Variants in SV2C observed in about 807,000 individuals in gnomAD.
SV2C encodes synaptic vesicle glycoprotein 2C.
A neutral mutation model predicts 79.7 loss-of-function variants in SV2C; 49 were observed. That is an observed-to-expected ratio of 0.61 (90% CI 0.49 to 0.78). The LOEUF (loss-of-function observed/expected upper bound fraction) is 0.78, where lower values mean the gene tolerates loss of function less well. SV2C is among the 30% of genes least tolerant of loss of function. SV2C has a pLI of 0.00. For synonymous variants in SV2C, 334 were observed against 333.2 expected (o/e 1.00, Z -0.03); for missense variants, 833 against 912.9 (o/e 0.91, Z 1.13).
chr5:76,065,269 C>CTGTG, the SV2C span, among the ~76,000 whole-genome samples: 1 of 152,138 alleles, frequency 6.6e-6, no homozygotes, highest in Non-Finnish European at 1.5e-5. Context: ...CAACAGCAAC[C>CTGTG]TGTGACTGAA....
the SV2C span, chr5:75,911,226 C>T: frequency 6.4e-7 from 1 of 1,567,892 alleles, no homozygotes; most frequent in Non-Finnish European, 8.8e-7. Context: ...CCTCTCCTAC[C>T]ATTGGGAGTG....
the SV2C span, among the ~76,000 whole-genome samples, chr5:75,875,903 A>G: frequency 6.6e-6 from 1 of 152,190 alleles, no homozygotes. Flanking sequence ...CAGAATAACT[A>G]TTGTTAAAAA....
At chr5:76,253,955 G>T (rs1054140769) in intron 4 of SV2C, among the ~76,000 whole-genome samples, 1 of 151,954 alleles carries the variant, frequency 6.6e-6, no homozygotes, top group Non-Finnish European at 1.5e-5. Context: ...AACTTGAACT[G>T]CTTCCCTCAT....
At chr5:75,920,999 G>GA in the SV2C span, 2 of 706,398 alleles carry the variant, frequency 2.8e-6, no homozygotes, top group Non-Finnish European at 5.1e-6. Context: ...CTCCCCGTGC[G>GA]AGTCCTCGCG....
At position 76,302,332 on chromosome 5, in the gene SV2C, A is replaced by G. The variant is rs1291920930; in HGVS notation, c.2000+787A>G. Among the ~76,000 whole-genome samples, 4 of 152,130 alleles carry G rather than the reference A, an allele frequency of 2.6e-5. No individual in the cohort carries two copies. The East Asian group carries it at 7.7e-4, about 29-fold the overall frequency. ...AAAGCCAAACACATTTCTAGTTATA[A>G]AAAACAATTGTGCTGGGCCTAGTGG... On this transcript the variant is annotated intron_variant, in intron 12 of 12. Transcript: ENST00000502798.
chr5:76,163,683 C>T (rs772036932), intron 2 of SV2C, among the ~76,000 whole-genome samples: 1 of 152,206 alleles, frequency 6.6e-6, no homozygotes, highest in Non-Finnish European at 1.5e-5. Context: ...CTTTTTCTCA[C>T]ACAGATTAAA....
chr5:76,164,917 T>C lies in SV2C; in HGVS notation c.581-30002T>C, dbSNP rs141564419. On this transcript the variant is annotated intron_variant, in intron 2 of 12. Coordinates refer to ENST00000502798, the MANE Select transcript of SV2C (RefSeq NM_014979.4). Reference sequence around the variant, plus strand: ...ATCCTCCTGTATACTTTAAATCATCTCTAGATTACCTATAATATCTAATAA... The same window carrying C: ...ATCCTCCTGTATACTTTAAATCATCCCTAGATTACCTATAATATCTAATAA... Among the ~76,000 whole-genome samples, 8 of 152,242 alleles carry C rather than the reference T, an allele frequency of 5.3e-5. No individual in the cohort carries two copies. In the South Asian group the frequency reaches 8.3e-4, roughly 16 times the overall value.
At chr5:75,990,017 T>C in the SV2C span, among the ~76,000 whole-genome samples, 1 of 151,660 alleles carries the variant, frequency 6.6e-6, no homozygotes, top group Non-Finnish European at 1.5e-5. Flanking sequence ...AAATTCCTTG[T>C]AGATGCTGAA....
chr5:76,053,716 T>A, the SV2C span, among the ~76,000 whole-genome samples: 1 of 152,140 alleles, frequency 6.6e-6, no homozygotes, highest in Admixed American at 6.6e-5. Context: ...AGTTCTCTGT[T>A]AATGTTGAGA....
At chr5:75,983,439 A>G in the SV2C span, among the ~76,000 whole-genome samples, 1 of 152,074 alleles carries the variant, frequency 6.6e-6, no homozygotes, top group Non-Finnish European at 1.5e-5. Context: ...TCTGGAGCTG[A>G]TAGTGGCATT....
the SV2C span, among the ~76,000 whole-genome samples, chr5:76,007,466 G>C: frequency 0.2 from 30,882 of 151,922 alleles, 4,018 homozygotes; most frequent in Middle Eastern, 0.39. Flanking sequence ...ATAGGTAAAA[G>C]TTTCTTAGTT....
At chr5:76,306,616 A>G (rs1165081070) in intron 12 of SV2C, among the ~76,000 whole-genome samples, 2 of 152,194 alleles carry the variant, frequency 1.3e-5, no homozygotes, top group Non-Finnish European at 2.9e-5. Context: ...CATCAGGGAG[A>G]AGGTTAAAAG....
the SV2C span, among the ~76,000 whole-genome samples, chr5:75,894,436 T>C: frequency 6.6e-6 from 1 of 152,078 alleles, no homozygotes; most frequent in Non-Finnish European, 1.5e-5. Context: ...TGTGGTAGTA[T>C]TGAAAAATAA....
chr5:76,086,267 C>T (rs1361209429), intron 1 of SV2C, among the ~76,000 whole-genome samples: 1 of 152,178 alleles, frequency 6.6e-6, no homozygotes, highest in Non-Finnish European at 1.5e-5. Context: ...CAATATATCA[C>T]GTGACGACAA....
the SV2C span, among the ~76,000 whole-genome samples, chr5:75,885,615 T>C: frequency 2.6e-5 from 4 of 152,072 alleles, no homozygotes; most frequent in Admixed American, 2.0e-4. Context: ...CAGGCAAAAA[T>C]TGTAGTGCAC....
chr5:76,134,402 C>G (rs7725212), intron 2 of SV2C, among the ~76,000 whole-genome samples: 5,340 of 152,206 alleles, frequency 0.035, 326 homozygotes, highest in African/African-American at 0.12. Flanking sequence ...AATTGTTTTG[C>G]CATTTTCATT....
intron 2 of SV2C, among the ~76,000 whole-genome samples, chr5:76,161,952 C>T (rs572773622): frequency 1.3e-5 from 2 of 152,228 alleles, no homozygotes; most frequent in South Asian, 4.1e-4. Context: ...ACCTAGTTCT[C>T]CAGTTTGAAA....
At chr5:76,202,042 A>G (rs201855614) in intron 3 of SV2C, among the ~76,000 whole-genome samples, 1 of 150,648 alleles carries the variant, frequency 6.6e-6, no homozygotes, top group Non-Finnish European at 1.5e-5. Flanking sequence ...AAAAAGAAAG[A>G]AAAAGAAAAT....
chr5:76,030,282 T>TGTTTTG, the SV2C span, among the ~76,000 whole-genome samples: 1 of 120,336 alleles, frequency 8.3e-6, no homozygotes, highest in African/African-American at 3.4e-5. Flanking sequence ...TTTTTTTTTT[T>TGTTTTG]TTTTTTTTTT....
Sources: allele counts gnomAD v4.1 joint callset (sites outside exome capture counted in the v4.1 genomes callset), GRCh38; gene constraint gnomAD v4.1.1; transcripts MANE v1.5; gene names NCBI Gene and HGNC (gene_info 2026-07-23, HGNC 2026-07-21).